The following GRB10 variants were observed in gnomAD, a reference collection of about 807,000 sequenced individuals.
The protein encoded by GRB10 is growth factor receptor bound protein 10.
Under a neutral mutation model 80.9 loss-of-function variants are expected in GRB10, and 20 were observed. The ratio of observed to expected loss-of-function variants is 0.25; its 90% confidence interval spans 0.17 to 0.36. GRB10 has a LOEUF of 0.36. GRB10 is among the 10% of genes least tolerant of loss of function. The pLI, the probability that GRB10 is intolerant of heterozygous loss-of-function variation, is 1.00. For synonymous variants in GRB10, 291 were observed against 291.5 expected (o/e 1.00, Z 0.02); for missense variants, 548 against 747.7 (o/e 0.73, Z 3.12).
intron 7 of GRB10, among the ~76,000 whole-genome samples, chr7:50,639,923 A>C (rs1449564040): frequency 1.3e-5 from 2 of 152,346 alleles, no homozygotes; most frequent in Non-Finnish European, 2.9e-5. Flanking sequence ...TATAAAATAG[A>C]ATCATTTTGT....
chr7:50,700,264 TTA>T (rs1486117112), intron 5 of GRB10, among the ~76,000 whole-genome samples: 1 of 152,252 alleles, frequency 6.6e-6, no homozygotes, highest in Non-Finnish European at 1.5e-5. Context: ...TATTACGATT[TTA>T]TATTTCTTCA....
chr7:50,766,456 A>T (rs2076347221), intron 2 of GRB10, among the ~76,000 whole-genome samples: 1 of 152,054 alleles, frequency 6.6e-6, no homozygotes, highest in South Asian at 2.1e-4. Context: ...CTTCCCTTAA[A>T]GGAGTTTTAA....
chr7:50,741,316 T>A (rs999038006), intron 3 of GRB10, among the ~76,000 whole-genome samples: 102 of 152,110 alleles, frequency 6.7e-4, no homozygotes, highest in Non-Finnish European at 1.1e-3. Flanking sequence ...TATTATTTTT[T>A]AAAAATACTA....
At chr7:50,681,018 C>G (rs560575285) in intron 5 of GRB10, among the ~76,000 whole-genome samples, 1 of 152,326 alleles carries the variant, frequency 6.6e-6, no homozygotes, top group East Asian at 1.9e-4. Flanking sequence ...ACTACTGATT[C>G]TCTGCTTTCA....
At chr7:50,685,877 T>C (rs1405481498) in intron 5 of GRB10, among the ~76,000 whole-genome samples, 6 of 152,086 alleles carry the variant, frequency 3.9e-5, no homozygotes, top group African/African-American at 1.2e-4. Context: ...TTTTCCAGAA[T>C]GTGGATGGAA....
chr7:50,723,735 G>A (rs984775298), intron 4 of GRB10, among the ~76,000 whole-genome samples: 2 of 152,232 alleles, frequency 1.3e-5, no homozygotes, highest in Non-Finnish European at 2.9e-5. Context: ...GCCTGAAGCG[G>A]TACTGGGATT....
chr7:50,598,488 T>G (rs2047032640), intron 17 of GRB10, among the ~76,000 whole-genome samples: 1 of 152,206 alleles, frequency 6.6e-6, no homozygotes. Flanking sequence ...GAAGAGCCCC[T>G]TGTGACAGGA....
chr7:50,617,975 C>T (rs573360072), intron 10 of GRB10, 96 bp downstream of exon 10: 44 of 1,037,790 alleles, frequency 4.2e-5, no homozygotes, highest in Admixed American at 1.7e-4. Flanking sequence ...GTGAAAGATG[C>T]GATCTCTTTA....
At chr7:50,637,712 G>A (rs2055331864) in intron 7 of GRB10, among the ~76,000 whole-genome samples, 2 of 46,348 alleles carry the variant, frequency 4.3e-5, no homozygotes, top group African/African-American at 7.3e-5. Context: ...TAAAGTTCAT[G>A]TGGAACAAAA....
At chr7:50,682,815 G>A (rs2061691008) in intron 5 of GRB10, among the ~76,000 whole-genome samples, 1 of 152,186 alleles carries the variant, frequency 6.6e-6, no homozygotes, top group Admixed American at 6.5e-5. Context: ...ATTCAAAGGG[G>A]AGGGAAACAT....
rs1563639465 is a variant in GRB10, at chr7:50,732,252, A to C, written c.51+20T>G. The C allele has an allele frequency of 6.2e-7, 1 of 1,613,338 alleles. No homozygotes were observed. Among genetic ancestry groups the C allele is most frequent in the East Asian group, 2.2e-5 (1 of 44,874 alleles). On this transcript the variant is annotated intron_variant, in intron 4 of 18. Coordinates refer to ENST00000401949, the MANE Select transcript of GRB10 (RefSeq NM_001350814.2). ...ACCAGCACCATCGGGCCAGGATCAG[A>C]TATATGTGCTCGCCCATACCTGGTA...
chr7:50,651,096 C>T (rs1460375580), intron 7 of GRB10, among the ~76,000 whole-genome samples: 5 of 152,132 alleles, frequency 3.3e-5, no homozygotes, highest in African/African-American at 2.4e-5. Flanking sequence ...ATTAATTATT[C>T]AACTATATAT....
intron 3 of GRB10, among the ~76,000 whole-genome samples, chr7:50,738,789 G>C (rs2071234335): frequency 6.7e-6 from 1 of 149,224 alleles, no homozygotes. Context: ...AATAACTAAA[G>C]ACTTTCTCAT....
chr7:50,633,420 C>T lies in GRB10; in HGVS notation c.505-6442G>A, dbSNP rs1374165889. On this transcript the variant is annotated intron_variant, in intron 7 of 18. Transcript: ENST00000401949. ...AGGTGGGGGAGGGAAGAAAAAATAC[C>T]AAGCAAATGAAAGTAAATTCAAAAA... Among the ~76,000 whole-genome samples, 3 of 152,088 alleles carry T rather than the reference C, an allele frequency of 2.0e-5. No homozygotes were observed. The East Asian group carries it at 5.8e-4, about 29-fold the overall frequency.
rs758152886 is a variant in GRB10, at chr7:50,592,905, C to A, written c.*47G>T. 1 of 1,608,060 alleles carries A rather than the reference C, an allele frequency of 6.2e-7. No homozygotes were observed. The highest frequency in any genetic ancestry group is 1.7e-5 in the Admixed American group (1 of 60,032). ...CACCAACGCACAGACCGCTTCTTCA[C>A]TCCAGTGTTCACTTCCTCCAGTCTT... On this transcript the variant is annotated 3_prime_UTR_variant, in exon 19 of 19. Transcript: ENST00000401949.
intron 4 of GRB10, among the ~76,000 whole-genome samples, chr7:50,726,669 A>G (rs2068705930): frequency 6.6e-6 from 1 of 152,226 alleles, no homozygotes. Flanking sequence ...CCTTACGATC[A>G]GCACACATGA....
intron 15 of GRB10, 109 bp downstream of exon 15, chr7:50,605,181 G>T: frequency 1.3e-6 from 1 of 782,826 alleles, no homozygotes; most frequent in Non-Finnish European, 2.1e-6. Flanking sequence ...CACCCAACAT[G>T]GCACCCCTCT....
intron 4 of GRB10, among the ~76,000 whole-genome samples, chr7:50,707,902 T>G (rs1274607343): frequency 6.6e-6 from 1 of 152,190 alleles, no homozygotes; most frequent in East Asian, 1.9e-4. Context: ...ACCTCCTCTT[T>G]TAAGTGCCAA....
intron 3 of GRB10, among the ~76,000 whole-genome samples, chr7:50,742,672 G>C (rs575835304): frequency 6.6e-6 from 1 of 151,960 alleles, no homozygotes; most frequent in Non-Finnish European, 1.5e-5. Context: ...GGGGGAAAGG[G>C]GAAGACTCTG....
Sources: gnomAD v4.1 joint callset for allele counts (sites outside exome capture counted in the v4.1 genomes callset) on GRCh38, gnomAD v4.1.1 for gene constraint, MANE v1.5 for transcripts, NCBI Gene and HGNC (gene_info 2026-07-23, HGNC 2026-07-21) for gene names.